Variants in PTPRD observed in about 807,000 individuals in gnomAD.
PTPRD encodes the protein protein tyrosine phosphatase receptor type D, also known as receptor-type tyrosine-protein phosphatase delta.
Under a neutral mutation model 214.5 loss-of-function variants are expected in PTPRD, and 34 were observed. That is an observed-to-expected ratio of 0.16 (90% CI 0.12 to 0.21). The LOEUF (loss-of-function observed/expected upper bound fraction) is 0.21. Among genes scored for constraint, PTPRD ranks in the 10% least tolerant of loss-of-function variants. The pLI is 1.00. For synonymous variants in PTPRD, 1,128 were observed against 845.7 expected (o/e 1.33, Z -5.79); for missense variants, 2,545 against 2,398.7 (o/e 1.06, Z -1.27).
chr9:10,080,491 A>G (rs1377845225), intron 3 of PTPRD, among the ~76,000 whole-genome samples: 1 of 152,106 alleles, frequency 6.6e-6, no homozygotes, highest in Non-Finnish European at 1.5e-5. Flanking sequence ...AAGAAACAAG[A>G]AAATTGGGAA....
chr9:10,306,726 C>T lies in PTPRD; in HGVS notation c.-545+34237G>A, dbSNP rs549302062. On this transcript the variant is annotated intron_variant, in intron 3 of 45. Coordinates refer to ENST00000381196, the MANE Select transcript of PTPRD (RefSeq NM_002839.4). Reference sequence around the variant, plus strand: ...AAAATTCTATGTTGTCTTGAATTCACTTGCTTCAAGTATCAACAGCTCCTC... The same window carrying T: ...AAAATTCTATGTTGTCTTGAATTCATTTGCTTCAAGTATCAACAGCTCCTC... 1.2e-4 allele frequency among the ~76,000 whole-genome samples: 19 copies of T among 152,220 alleles called. No homozygotes were observed. The South Asian group carries it at 3.1e-3, about 25-fold the overall frequency.
intron 18 of PTPRD, among the ~76,000 whole-genome samples, chr9:8,524,580 A>C (rs931182420): frequency 5.3e-5 from 8 of 152,168 alleles, no homozygotes; most frequent in African/African-American, 1.9e-4. Context: ...TTTAATAAGG[A>C]AACAGAAGAG....
intron 11 of PTPRD, among the ~76,000 whole-genome samples, chr9:8,739,678 G>A (rs1056645547): frequency 6.6e-6 from 1 of 151,748 alleles, no homozygotes; most frequent in African/African-American, 2.4e-5. Context: ...TGTTATGTGA[G>A]GATACCCATT....
chr9:10,108,219 T>G (rs1322665914), intron 3 of PTPRD, among the ~76,000 whole-genome samples: 2 of 152,134 alleles, frequency 1.3e-5, no homozygotes, highest in African/African-American at 4.8e-5. Context: ...CATAGTTTTA[T>G]GGTAGACAGC....
intron 7 of PTPRD, among the ~76,000 whole-genome samples, chr9:9,664,577 C>T (rs188811839): frequency 1.3e-5 from 2 of 151,752 alleles, no homozygotes; most frequent in East Asian, 3.9e-4. Context: ...GTTTCATCCA[C>T]AAAGCTCTTT....
At chr9:8,889,690 C>T (rs1261183658) in intron 11 of PTPRD, among the ~76,000 whole-genome samples, 3 of 145,458 alleles carry the variant, frequency 2.1e-5, no homozygotes, top group Middle Eastern at 3.5e-3. Flanking sequence ...TTAGCTCCTA[C>T]TTAAAAGTGA....
At chr9:9,358,147 T>C (rs1190020474) in intron 9 of PTPRD, among the ~76,000 whole-genome samples, 1 of 151,310 alleles carries the variant, frequency 6.6e-6, no homozygotes, top group Non-Finnish European at 1.5e-5. Flanking sequence ...AAACAGCATA[T>C]TCTCCTATTC....
At chr9:10,244,162 A>G (rs2091663611) in intron 3 of PTPRD, among the ~76,000 whole-genome samples, 1 of 152,090 alleles carries the variant, frequency 6.6e-6, no homozygotes, top group African/African-American at 2.4e-5. Context: ...CTCTGGATTA[A>G]AATCAACCTG....
At chr9:9,827,457 T>G (rs1340461808) in intron 5 of PTPRD, among the ~76,000 whole-genome samples, 5 of 152,112 alleles carry the variant, frequency 3.3e-5, no homozygotes, top group African/African-American at 9.7e-5. Context: ...TAGCCATATG[T>G]AGAAAGCTGA....
chr9:10,308,547 T>A lies in PTPRD; in HGVS notation c.-545+32416A>T, dbSNP rs1028698436. On this transcript the variant is annotated intron_variant, in intron 3 of 45. Transcript: ENST00000381196. Reference sequence around the variant, plus strand: ...TCAAGATTGCTTTGGCTATTTGGGGTCTTTTGTGGTTTCATAAAAATTTAA... The same window carrying A: ...TCAAGATTGCTTTGGCTATTTGGGGACTTTTGTGGTTTCATAAAAATTTAA... 6.7e-4 allele frequency among the ~76,000 whole-genome samples: 102 copies of A among 152,126 alleles called. 1 individual carries two copies. The highest frequency in any genetic ancestry group is 2.2e-3 in the African/African-American group (91 of 41,536).
At chr9:9,216,029 G>A (rs1055645673) in intron 9 of PTPRD, among the ~76,000 whole-genome samples, 3 of 152,120 alleles carry the variant, frequency 2.0e-5, no homozygotes, top group Non-Finnish European at 4.4e-5. Context: ...GTGTGGTTCA[G>A]AACACACAAT....
intron 3 of PTPRD, among the ~76,000 whole-genome samples, chr9:10,185,754 CTGT>C (rs1554816690): frequency 6.6e-6 from 1 of 151,242 alleles, no homozygotes; most frequent in Non-Finnish European, 1.5e-5. Flanking sequence ...TTTTTTTTCC[CTGT>C]TGTTGTTACT....
intron 5 of PTPRD, among the ~76,000 whole-genome samples, chr9:9,805,009 T>C (rs2099064041): frequency 6.6e-6 from 1 of 152,144 alleles, no homozygotes; most frequent in South Asian, 2.1e-4. Flanking sequence ...ACAGATTATA[T>C]AGTGCAATTA....
In PTPRD at chr9:10,113,161, A is replaced by G. The variant is rs72694888; in HGVS notation, c.-544-79371T>C. Among the ~76,000 whole-genome samples, 6 of 152,196 alleles carry G rather than the reference A, an allele frequency of 3.9e-5. No individual in the cohort carries two copies. The South Asian group carries it at 1.2e-3, about 31-fold the overall frequency. ...CAAGTATAAAAATCATGGGCTCATT[A>G]CAAAGAGTTTTATGGGGGAGGCTAT... On this transcript the variant is annotated intron_variant, in intron 3 of 45. Transcript: ENST00000381196.
At chr9:9,631,961 G>C (rs1157974534) in intron 7 of PTPRD, among the ~76,000 whole-genome samples, 1 of 152,138 alleles carries the variant, frequency 6.6e-6, no homozygotes, top group East Asian at 1.9e-4. Flanking sequence ...GATATAAAAA[G>C]TAAGGTTTAT....
At chr9:8,919,437 G>C (rs1588028906) in intron 11 of PTPRD, among the ~76,000 whole-genome samples, 1 of 150,580 alleles carries the variant, frequency 6.6e-6, no homozygotes, top group Non-Finnish European at 1.5e-5. Context: ...ATTTCTGTTG[G>C]CCAAACTCCA....
Position 9,633,169 on chromosome 9 carries a change from C to T in PTPRD, c.-286-58388G>A, listed in dbSNP as rs571469087. Among the ~76,000 whole-genome samples, 145 of 152,076 alleles carry T rather than the reference C, an allele frequency of 9.5e-4. 1 individual carries two copies. Among genetic ancestry groups the T allele is most frequent in the African/African-American group, 3.4e-3 (140 of 41,494 alleles). ...AATTAAACATGTGTGAGGGTGGGCG[C>T]CTGTAATTCCAGCTACTCAGGAGGC... is the stretch of plus-strand genomic sequence containing the variant. On this transcript the variant is annotated intron_variant, in intron 7 of 45. Coordinates refer to ENST00000381196, the MANE Select transcript of PTPRD (RefSeq NM_002839.4).
chr9:9,989,536 C>A (rs1231207785), intron 4 of PTPRD, among the ~76,000 whole-genome samples: 2 of 152,036 alleles, frequency 1.3e-5, no homozygotes, highest in African/African-American at 4.8e-5. Flanking sequence ...CCATTCCATC[C>A]CCCTTCTAGC....
At chr9:10,124,320 T>G (rs1273357555) in intron 3 of PTPRD, among the ~76,000 whole-genome samples, 2 of 152,218 alleles carry the variant, frequency 1.3e-5, no homozygotes, top group Non-Finnish European at 2.9e-5. Context: ...TTTTACAATT[T>G]TCCCAACACA....
Sources: allele counts gnomAD v4.1 joint callset (sites outside exome capture counted in the v4.1 genomes callset), GRCh38; gene constraint gnomAD v4.1.1; transcripts MANE v1.5; gene names NCBI Gene and HGNC (gene_info 2026-07-23, HGNC 2026-07-21).